Variants in NME9 observed in about 807,000 individuals in gnomAD.
NME9 encodes the protein thioredoxin domain-containing protein 6.
In NME9, 48 loss-of-function variants were observed where a neutral mutation model predicts 44.4. That is an observed-to-expected ratio of 1.08 (90% CI 0.86 to 1.37). NME9 has a LOEUF of 1.37. NME9 is among the 40% of genes most tolerant of loss of function. NME9 has a pLI of 0.00. For missense variants in NME9, 325 were observed against 405.2 expected, an observed-to-expected ratio of 0.80 and a Z score of 1.70; for synonymous variants, 139 against 147.1, an observed-to-expected ratio of 0.94 and a Z score of 0.40.
intron 8 of NME9, 92 bp from the exon 9 acceptor site, chr3:138,305,119 G>A: frequency 8.4e-7 from 1 of 1,197,018 alleles, no homozygotes; most frequent in South Asian, 1.4e-5. Flanking sequence ...GAATGGGAGG[G>A]AGTTAGTGAG....
rs537806877 is a variant in NME9 at position 138,263,565 on chromosome 3, C to G, written c.746-979G>C. 7.8e-5 allele frequency: 50 copies of G among 643,444 alleles called. No homozygotes were observed. The South Asian group carries it at 8.9e-4, about 11-fold the overall frequency. 39.9% of individuals were successfully genotyped at this position (643,444 alleles called of 1,614,324 possible). On this transcript the variant is annotated intron_variant, in intron 8 of 8. Coordinates refer to the NME9 transcript ENST00000317876. ...CCTGGCAGGTCCTTAGTGGGCTAGA[C>G]CTACCTTTCTGATGAGCTGCCCGCC... is the stretch of plus-strand genomic sequence containing the variant.
chr3:138,327,564 C>T (rs958234161), intron 1 of NME9, among the ~76,000 whole-genome samples: 2 of 152,194 alleles, frequency 1.3e-5, no homozygotes, highest in African/African-American at 4.8e-5. Context: ...GAATGTGTGG[C>T]ACCTTTTACC....
In NME9 at chr3:138,301,179, A is replaced by ATATAC. The variant is rs537199855; in HGVS notation, c.*456_*460dup. ...ATACTGTTTAATAAGGCAGAAAAGT[A>ATATAC]TATACTATTCTCTTTCTTTACTTTT... On this transcript the variant is annotated 3_prime_UTR_variant, in exon 11 of 11. Transcript: ENST00000333911. The ATATAC allele has an allele frequency of 3.7e-4, 326 of 887,536 alleles. No individual in the cohort carries two copies. The highest frequency in any genetic ancestry group is 4.1e-4 in the Non-Finnish European group (305 of 740,970). The allele number at this position is 887,536 out of a possible 1,614,324, so 55.0% of individuals were successfully genotyped here.
At position 138,329,458 on chromosome 3, in the gene NME9, G is replaced by T; in HGVS notation, c.-123C>A. 7 of 1,495,388 alleles carry T rather than the reference G, an allele frequency of 4.7e-6. No homozygotes were observed. The highest frequency in any genetic ancestry group is 6.2e-6 in the Non-Finnish European group (7 of 1,128,462). The allele number at this position is 1,495,388 out of a possible 1,614,324, so 92.6% of individuals were successfully genotyped here. ...TCCTTCAGACAAGCCCCCCTCCTAC[G>T]GCCCCCGGCCCCTTTTTAAGGTGCT... On this transcript the variant is annotated 5_prime_UTR_variant, in exon 1 of 11. Transcript: ENST00000333911.
chr3:138,318,323 T>TC, intron 3 of NME9, 104 bp from the exon 4 acceptor site: 1 of 766,908 alleles, frequency 1.3e-6, no homozygotes, highest in East Asian at 2.5e-5. Context: ...AGGACTGACT[T>TC]CCCCAGGTAG....
At chr3:138,272,523 C>A (rs116649628) in intron 8 of NME9, among the ~76,000 whole-genome samples, 1 of 152,144 alleles carries the variant, frequency 6.6e-6, no homozygotes, top group African/African-American at 2.4e-5. Flanking sequence ...TAACAAGAAT[C>A]AAGAAAATAG....
At chr3:138,316,661 C>G (rs1022496914) in intron 4 of NME9, among the ~76,000 whole-genome samples, 4 of 152,112 alleles carry the variant, frequency 2.6e-5, no homozygotes, top group African/African-American at 9.7e-5. Context: ...GTTGCCCAGG[C>G]TGGAGTTCAA....
downstream of NME9, chr3:138,297,052 A>G (rs1269336673): frequency 6.6e-6 from 1 of 152,250 alleles, no homozygotes; most frequent in Non-Finnish European, 1.5e-5. Flanking sequence ...AGGATAGTTT[A>G]GAAAGCTTTC....
Position 138,329,753 on chromosome 3 carries a change from A to G in NME9, c.-418T>C. On this transcript the variant is annotated 5_prime_UTR_variant, in exon 1 of 11. Coordinates refer to ENST00000333911, the MANE Select transcript of NME9 (RefSeq NM_001349018.2). ...GTTATCCCTGCTGTTCTTATGGATT[A>G]CTGGGAAAGTGAGCCACTGCGAACG... is the stretch of plus-strand genomic sequence containing the variant. 9.9e-7 allele frequency: 1 copy of G among 1,006,294 alleles called. No homozygotes were observed. The highest frequency in any genetic ancestry group is 1.2e-6 in the Non-Finnish European group (1 of 843,566). 62.3% of individuals were successfully genotyped at this position (1,006,294 alleles called of 1,614,324 possible). A position where few individuals can be genotyped will look rare whatever the true frequency, so the allele number is the denominator to read the frequency against.
Position 138,306,018 on chromosome 3 carries a change from G to T in NME9, c.622C>A (p.His208Asn). The T allele has an allele frequency of 6.2e-7, 1 of 1,611,416 alleles. No individual in the cohort carries two copies. Among genetic ancestry groups the T allele is most frequent in the Non-Finnish European group, 8.5e-7 (1 of 1,177,530 alleles). Residue 208 changes from histidine to asparagine, a missense_variant, in exon 8 of 11, where the codon CAC becomes AAC. Coordinates refer to ENST00000333911, the MANE Select transcript of NME9 (RefSeq NM_001349018.2). ...TEAEVRLFYQ[H>N]KAGEEAFEKL... ...GATGAGCTGACCTCTCCAGCTTTGT[G>T]TTGGTAGAAAAGTCGCACTTCTGCC...
At chr3:138,328,787 A>C (rs1002818381) in intron 1 of NME9, among the ~76,000 whole-genome samples, 4 of 152,206 alleles carry the variant, frequency 2.6e-5, no homozygotes, top group African/African-American at 9.7e-5. Flanking sequence ...TCTATATAAC[A>C]TATGTCCAGC....
At chr3:138,308,420 C>T (rs1318714400) in intron 6 of NME9, among the ~76,000 whole-genome samples, 1 of 151,996 alleles carries the variant, frequency 6.6e-6, no homozygotes, top group East Asian at 1.9e-4. Context: ...TAACTGTTAG[C>T]TTTTCTTCAT....
intron 8 of NME9, among the ~76,000 whole-genome samples, chr3:138,266,188 T>C (rs1334509306): frequency 6.6e-6 from 1 of 152,198 alleles, no homozygotes; most frequent in Non-Finnish European, 1.5e-5. Flanking sequence ...CTATTAGACA[T>C]ATGTCATCTC....
chr3:138,277,175 A>G (rs1243557932), intron 8 of NME9, among the ~76,000 whole-genome samples: 2 of 152,204 alleles, frequency 1.3e-5, no homozygotes, highest in African/African-American at 4.8e-5. Context: ...AACTTGGTGG[A>G]GAAAGAATGG....
intron 6 of NME9, 57 bp downstream of exon 6, chr3:138,314,273 CAT>C: frequency 1.0e-6 from 1 of 971,990 alleles, no homozygotes; most frequent in Non-Finnish European, 1.6e-6. Context: ...CTATTTTAAA[CAT>C]ATATAAAATC....
chr3:138,269,897 GC>G (rs2048628640), intron 8 of NME9: 5 of 345,834 alleles, frequency 1.4e-5, no homozygotes, highest in Non-Finnish European at 2.6e-5. Context: ...GATTTTTATG[GC>G]TACATCACTC....
At chr3:138,269,756 C>T (rs2108292327) in intron 8 of NME9, among the ~76,000 whole-genome samples, 1 of 151,490 alleles carries the variant, frequency 6.6e-6, no homozygotes, top group Non-Finnish European at 1.5e-5. Context: ...TAGAATGTCT[C>T]CTGAATCCTC....
chr3:138,314,431 GA>G (rs764785217), intron 5 of NME9, 24 bp from the exon 6 acceptor site: 52 of 1,458,430 alleles, frequency 3.6e-5, no homozygotes, highest in Non-Finnish European at 4.9e-5. Context: ...GTCATTAAAA[GA>G]AAGTAGTTAG....
chr3:138,275,959 A>G (rs1460972727), intron 8 of NME9, among the ~76,000 whole-genome samples: 2 of 152,220 alleles, frequency 1.3e-5, no homozygotes, highest in Non-Finnish European at 2.9e-5. Context: ...CAATGAAGAA[A>G]GTACATTGTT....
Sources: allele counts gnomAD v4.1 joint callset (sites outside exome capture counted in the v4.1 genomes callset), GRCh38; gene constraint gnomAD v4.1.1; transcripts MANE v1.5; gene names NCBI Gene and HGNC (gene_info 2026-07-23, HGNC 2026-07-21).